MYT1L: variants seen among roughly 807,000 people sequenced by gnomAD.
The protein encoded by MYT1L is myelin transcription factor 1-like protein.
MYT1L carries 12 observed loss-of-function variants against 126.7 expected under a neutral mutation model. That is an observed-to-expected ratio of 0.09 (90% confidence interval 0.06 to 0.15). The LOEUF is 0.15. Ranked by LOEUF, MYT1L falls within the 10% of genes least tolerant of loss-of-function variation. The probability of loss-of-function intolerance (pLI) is 1.00; values close to 1 mark genes in which losing one functional copy is unlikely to be tolerated. For missense variants in MYT1L, 979 were observed against 1,585.2 expected (o/e 0.62, Z 6.49); for synonymous variants, 541 against 604.2 (o/e 0.90, Z 1.53).
At chr2:2,157,828 G>A (rs1453293625) in intron 3 of MYT1L, among the ~76,000 whole-genome samples, 1 of 152,032 alleles carries the variant, frequency 6.6e-6, no homozygotes, top group East Asian at 1.9e-4. Flanking sequence ...GCAGGTCTTT[G>A]GGCTTTTTGG....
chr2:1,954,049 G>A (rs1456307791), intron 8 of MYT1L, among the ~76,000 whole-genome samples: 2 of 152,180 alleles, frequency 1.3e-5, no homozygotes, highest in Non-Finnish European at 2.9e-5. Context: ...ACTTACTAGT[G>A]CAACACCCTC....
At chr2:2,167,344 G>A (rs187554820) in intron 3 of MYT1L, among the ~76,000 whole-genome samples, 18 of 152,260 alleles carry the variant, frequency 1.2e-4, no homozygotes, top group Admixed American at 7.2e-4. Flanking sequence ...GATCTGCACA[G>A]CGTTGCTGCA....
At chr2:2,103,250 TG>T (rs1416405409) in intron 3 of MYT1L, among the ~76,000 whole-genome samples, 3 of 152,186 alleles carry the variant, frequency 2.0e-5, no homozygotes, top group Non-Finnish European at 4.4e-5. Context: ...GGCCCAAATT[TG>T]AAAAATTAAT....
intron 5 of MYT1L, among the ~76,000 whole-genome samples, chr2:1,982,281 G>A (rs1347823949): frequency 6.6e-6 from 1 of 152,180 alleles, no homozygotes; most frequent in Non-Finnish European, 1.5e-5. Flanking sequence ...TCACATCCAC[G>A]AGAAATGGCA....
chr2:2,018,411 G>T (rs1350475215), intron 4 of MYT1L, among the ~76,000 whole-genome samples: 1 of 152,160 alleles, frequency 6.6e-6, no homozygotes, highest in Non-Finnish European at 1.5e-5. Flanking sequence ...AGAGACAAAG[G>T]AACAGGGATG....
intron 3 of MYT1L, among the ~76,000 whole-genome samples, chr2:2,094,119 T>A (rs2077183445): frequency 6.6e-6 from 1 of 152,244 alleles, no homozygotes; most frequent in Admixed American, 6.5e-5. Flanking sequence ...TGAAGTCAGG[T>A]AGCGTGATGC....
At chr2:2,078,624 G>A (rs973652456) in intron 3 of MYT1L, among the ~76,000 whole-genome samples, 1 of 152,172 alleles carries the variant, frequency 6.6e-6, no homozygotes, top group African/African-American at 2.4e-5. Context: ...GAGGTTCAAT[G>A]AGTCAAGAAG....
At chr2:2,233,435 T>A (rs943183129) in intron 2 of MYT1L, among the ~76,000 whole-genome samples, 2 of 152,100 alleles carry the variant, frequency 1.3e-5, no homozygotes, top group Non-Finnish European at 2.9e-5. Context: ...ATGTACCCAG[T>A]GCCCCTGCGG....
chr2:1,910,230 T>C lies in MYT1L; in HGVS notation c.1817+10A>G. 1 of 1,611,824 alleles carries C rather than the reference T, an allele frequency of 6.2e-7. No homozygotes were observed. Among genetic ancestry groups the C allele is most frequent in the Non-Finnish European group, 8.5e-7 (1 of 1,179,344 alleles). ...ATAGAGCTCACGGATGGTGCACTCC[T>C]GCTGGGTACCTGAGCACGCGGTCCG... is the stretch of plus-strand genomic sequence containing the variant. On this transcript the variant is annotated intron_variant, in intron 13 of 24. Coordinates refer to ENST00000647738, the MANE Select transcript of MYT1L (RefSeq NM_001303052.2). This position sits in a 1 kb window ranked among gnomAD's most constrained non-coding sequence, Gnocchi z 4.8.
At chr2:2,056,604 T>A (rs2069600275) in intron 3 of MYT1L, among the ~76,000 whole-genome samples, 1 of 152,218 alleles carries the variant, frequency 6.6e-6, no homozygotes, top group South Asian at 2.1e-4. Flanking sequence ...GTCAGTGACC[T>A]CCTTTTCCCA....
At chr2:2,068,664 C>T (rs1414439109) in intron 3 of MYT1L, among the ~76,000 whole-genome samples, 13 of 145,832 alleles carry the variant, frequency 8.9e-5, no homozygotes, top group African/African-American at 3.0e-4. Flanking sequence ...GACACAAAAT[C>T]ATATGAAAAT....
At chr2:1,941,362 C>T (rs2149252987) in intron 9 of MYT1L, among the ~76,000 whole-genome samples, 1 of 152,220 alleles carries the variant, frequency 6.6e-6, no homozygotes, top group Non-Finnish European at 1.5e-5. Flanking sequence ...TCTAGTAAGC[C>T]CTGGGCAAGT....
intron 4 of MYT1L, among the ~76,000 whole-genome samples, chr2:2,041,032 A>G (rs1369478768): frequency 6.6e-6 from 1 of 152,248 alleles, no homozygotes; most frequent in East Asian, 1.9e-4. Flanking sequence ...TTTTCTGGAA[A>G]GATACATTTG....
chr2:2,128,208 G>A (rs1274582179), intron 3 of MYT1L, among the ~76,000 whole-genome samples: 1 of 152,186 alleles, frequency 6.6e-6, no homozygotes, highest in African/African-American at 2.4e-5. Context: ...GAGTGCAGTA[G>A]TGTATTTGGC....
At chr2:1,974,347 A>C (rs1026664659) in intron 8 of MYT1L, 6 of 152,216 alleles carry the variant, frequency 3.9e-5, no homozygotes, top group Non-Finnish European at 7.3e-5. Flanking sequence ...TGGGCGCAGA[A>C]ACACAGGTGA....
chr2:2,161,626 G>C (rs868185949), intron 3 of MYT1L, among the ~76,000 whole-genome samples: 1 of 152,178 alleles, frequency 6.6e-6, no homozygotes, highest in African/African-American at 2.4e-5. Context: ...CCAGGTCTCA[G>C]TTGACAAAAT....
chr2:2,295,767 CAGAGAGAGAGATAGAGAGACAGACAGAG>C (rs2095681120), intron 1 of MYT1L, among the ~76,000 whole-genome samples: 1 of 16,810 alleles, frequency 5.9e-5, no homozygotes, highest in Non-Finnish European at 1.9e-4. Flanking sequence ...GACAGACAGA[CAGAGAGAGAGATAGAGAGACAGACAGAG>C]AGAGAGAGAG....
At chr2:1,880,811 ACTGGCCTCTGATCCTGCCACCTCTT>A (rs1278347530) in intron 18 of MYT1L, among the ~76,000 whole-genome samples, 3 of 152,314 alleles carry the variant, frequency 2.0e-5, no homozygotes, top group East Asian at 3.9e-4. Context: ...CATCTTGGCC[ACTGGCCTCTGATCCTGCCACCTCTT>A]GCCTCCTTGT....
chr2:2,111,630 C>A (rs1011521262), intron 3 of MYT1L, among the ~76,000 whole-genome samples: 1 of 152,202 alleles, frequency 6.6e-6, no homozygotes, highest in Non-Finnish European at 1.5e-5. Context: ...GTATGACACA[C>A]AGAAAGACAG....
Sources: allele counts gnomAD v4.1 joint callset (sites outside exome capture counted in the v4.1 genomes callset), GRCh38; gene constraint gnomAD v4.1.1; non-coding constraint Gnocchi (gnomAD v3.1); transcripts MANE v1.5; gene names NCBI Gene and HGNC (gene_info 2026-07-23, HGNC 2026-07-21).